Variants in TRPM2 observed in about 807,000 individuals in gnomAD.
TRPM2 encodes the protein estrogen-responsive element-associated gene 1 protein.
Under a neutral mutation model 174.0 loss-of-function variants are expected in TRPM2, and 161 were observed. The observed-to-expected ratio is 0.93, with a 90% confidence interval of 0.81 to 1.05. TRPM2 has a LOEUF of 1.05. Among genes scored for constraint, TRPM2 ranks in the 50% least tolerant of loss-of-function variants. The pLI is 0.00. For synonymous variants in TRPM2, 954 were observed against 861.3 expected, an observed-to-expected ratio of 1.11 and a Z score of -1.88; for missense variants, 2,057 against 2,038.0, an observed-to-expected ratio of 1.01 and a Z score of -0.18.
rs768881646 is a variant in TRPM2, at chr21:44,379,165, A to G, written c.1183A>G (p.Thr395Ala). The change falls in exon 8 of 32, where the codon ACG becomes GCG. Residue 395 changes from threonine (T) to alanine (A), a missense_variant. By Grantham distance (58) the Thr-to-Ala change is moderately conservative (BLOSUM62 0). Transcript: ENST00000397928. ...VFFQEMFETF[T>A]ESRIVEWTKK... is the part of the protein sequence containing the mutation. ...CTTCCAGGAGATGTTTGAGACCTTC[A>G]CGGAAAGCAGGATTGTCGAGTGGAC... The G allele has an allele frequency of 1.9e-6, 3 of 1,613,406 alleles. No homozygotes were observed. In the Admixed American group the frequency reaches 5.0e-5, roughly 27 times the overall value.
At chr21:44,383,342 C>T (rs2048935992) in intron 9 of TRPM2, among the ~76,000 whole-genome samples, 1 of 152,162 alleles carries the variant, frequency 6.6e-6, no homozygotes, top group Non-Finnish European at 1.5e-5. Flanking sequence ...CTTTGTCTTA[C>T]CCAGCTGGCA....
intron 9 of TRPM2, among the ~76,000 whole-genome samples, chr21:44,389,308 C>T (rs1208138752): frequency 6.6e-6 from 1 of 152,144 alleles, no homozygotes; most frequent in Non-Finnish European, 1.5e-5. Context: ...GAATACACCA[C>T]AGGTTGTTTT....
At chr21:44,404,210 G>A (rs897493065) in intron 16 of TRPM2, among the ~76,000 whole-genome samples, 1 of 150,074 alleles carries the variant, frequency 6.7e-6, no homozygotes, top group African/African-American at 2.5e-5. Context: ...CATATACACA[G>A]AGACACACAG....
intron 20 of TRPM2, chr21:44,416,673 A>G: frequency 5.4e-6 from 1 of 184,788 alleles, no homozygotes; most frequent in South Asian, 8.7e-5. Flanking sequence ...GAAGCCTGGA[A>G]TTGTGAGGTC....
rs1209536326 is a variant in TRPM2 at position 44,406,583 on chromosome 21, C to A, written c.2791-11C>A. 1 of 1,605,678 alleles carries A rather than the reference C, an allele frequency of 6.2e-7. No homozygotes were observed. The highest frequency in any genetic ancestry group is 1.1e-5 in the South Asian group (1 of 90,724). On this transcript the variant is annotated splice_polypyrimidine_tract_variant and intron_variant, in intron 18 of 31. Coordinates refer to ENST00000397928, the MANE Select transcript of TRPM2 (RefSeq NM_003307.4). ...CAGGAGAGTGTAGCCCACACACTCT[C>A]TGTCCTGCAGATGAAGGACGTCTTC...
intron 5 of TRPM2, among the ~76,000 whole-genome samples, chr21:44,370,582 G>A (rs1447142088): frequency 1.3e-5 from 2 of 152,140 alleles, no homozygotes; most frequent in African/African-American, 2.4e-5. Flanking sequence ...TTGTTACCCC[G>A]AGGGGTGATT....
Position 44,354,836 on chromosome 21 carries a change from G to A in TRPM2, c.254+100G>A, listed in dbSNP as rs2048009963. On this transcript the variant is annotated intron_variant, in intron 2 of 31. Coordinates refer to ENST00000397928, the MANE Select transcript of TRPM2 (RefSeq NM_003307.4). The surrounding 1 kb of genome is among the most constrained non-coding windows in gnomAD (Gnocchi z 4.3). ...AGACCCCTCAGGGCCTCAGTGAAGG[G>A]TCACTGGAGATACCTCTGTCTCCAT... The A allele has an allele frequency of 9.7e-7, 1 of 1,030,716 alleles. No individual in the cohort carries two copies. The highest frequency in any genetic ancestry group is 1.5e-6 in the Non-Finnish European group (1 of 655,272). 63.8% of individuals were successfully genotyped at this position (1,030,716 alleles called of 1,614,324 possible). A position where few individuals can be genotyped will look rare whatever the true frequency, so the allele number is the denominator to read the frequency against.
intron 26 of TRPM2, 57 bp from the exon 27 acceptor site, chr21:44,426,953 C>G: frequency 1.3e-6 from 2 of 1,510,416 alleles, no homozygotes; most frequent in Non-Finnish European, 1.8e-6. Flanking sequence ...CTCTGCCTGT[C>G]TGCTCTGTCC....
At chr21:44,381,952 GGATAGATAGATAGATA>G (rs71197895) in intron 8 of TRPM2, among the ~76,000 whole-genome samples, 22,237 of 143,420 alleles carry the variant, frequency 0.16, 1,761 homozygotes, top group Non-Finnish European at 0.17. Flanking sequence ...ATAGATAGAT[GGATAGATAGATAGATA>G]GATAGATAGA....
chr21:44,360,793 G>A (rs747539125), intron 2 of TRPM2, among the ~76,000 whole-genome samples: 10 of 151,878 alleles, frequency 6.6e-5, no homozygotes, highest in East Asian at 1.9e-4. Context: ...TCTCGGACTC[G>A]GGACCTCAAC....
intron 22 of TRPM2, among the ~76,000 whole-genome samples, chr21:44,422,577 C>G (rs1249972222): frequency 6.6e-6 from 1 of 152,164 alleles, no homozygotes; most frequent in African/African-American, 2.4e-5. Context: ...AATAGTTGCT[C>G]AGTGTATTAT....
chr21:44,408,012 C>A (rs1235909160), intron 19 of TRPM2, among the ~76,000 whole-genome samples: 1 of 151,774 alleles, frequency 6.6e-6, no homozygotes, highest in East Asian at 1.9e-4. Context: ...GTGGCACAAT[C>A]TTGGCTCACT....
Position 44,405,167 on chromosome 21 carries a change from G to A in TRPM2, c.2564G>A (p.Gly855Glu). The A allele has an allele frequency of 6.2e-7, 1 of 1,613,458 alleles. No homozygotes were observed. ...RQLFYDPDECGLMKKAALYFS... is the reference protein window; with the variant it reads ...RQLFYDPDECELMKKAALYFS... Reference sequence around the variant, plus strand: ...CTCTTCTATGACCCTGACGAGTGCGGGCTGATGAAGAAGGCAGCCTTGTAC... The same window carrying A: ...CTCTTCTATGACCCTGACGAGTGCGAGCTGATGAAGAAGGCAGCCTTGTAC... The change falls in exon 17 of 32, where the codon GGG becomes GAG. Residue 855 changes from glycine (G) to glutamate (E), a missense_variant. Coordinates refer to ENST00000397928, the MANE Select transcript of TRPM2 (RefSeq NM_003307.4).
rs532151152 is a variant in TRPM2, at chr21:44,367,451, T to G, written c.604+517T>G. Among the ~76,000 whole-genome samples, 21 of 152,342 alleles carry G rather than the reference T, an allele frequency of 1.4e-4. No individual in the cohort carries two copies. In the South Asian group the frequency reaches 4.4e-3, roughly 32 times the overall value. On this transcript the variant is annotated intron_variant, in intron 4 of 31. Coordinates refer to ENST00000397928, the MANE Select transcript of TRPM2 (RefSeq NM_003307.4). The surrounding 1 kb of genome is among the most constrained non-coding windows in gnomAD (Gnocchi z 4.6). ...TTTCCATCTCTTCACTTAAGGCAAC[T>G]GCCTGGTTGGAGTCAAATCACCTCC... is the stretch of plus-strand genomic sequence containing the variant.
chr21:44,407,123 A>C (rs1207952110), intron 19 of TRPM2, among the ~76,000 whole-genome samples: 1 of 5,438 alleles, frequency 1.8e-4, no homozygotes, highest in Non-Finnish European at 4.5e-4. Flanking sequence ...TCTTGATGGA[A>C]ATAATTCATT....
At chr21:44,379,309 T>A in intron 8 of TRPM2, 112 bp downstream of exon 8, 7 of 1,283,746 alleles carry the variant, frequency 5.5e-6, no homozygotes, top group Non-Finnish European at 7.6e-6. Context: ...CCACTGGGTC[T>A]GAGTGGGTGC....
chr21:44,389,412 T>G (rs2049106584), intron 9 of TRPM2, among the ~76,000 whole-genome samples: 1 of 152,238 alleles, frequency 6.6e-6, no homozygotes, highest in Non-Finnish European at 1.5e-5. Flanking sequence ...TGGGTCAATA[T>G]CTAGGAGTGG....
chr21:44,355,677 C>T, intron 2 of TRPM2, among the ~76,000 whole-genome samples: 1 of 152,134 alleles, frequency 6.6e-6, no homozygotes, highest in East Asian at 1.9e-4. Context: ...GTGTTAATTC[C>T]CAGAGAGTGG....
intron 20 of TRPM2, chr21:44,416,703 C>G (rs2050292525): frequency 5.1e-6 from 1 of 196,554 alleles, no homozygotes; most frequent in Non-Finnish European, 1.1e-5. Flanking sequence ...AGTTCTGTGC[C>G]TGGAGCTGGC....
Sources: allele counts gnomAD v4.1 joint callset (sites outside exome capture counted in the v4.1 genomes callset), GRCh38; gene constraint gnomAD v4.1.1; non-coding constraint Gnocchi (gnomAD v3.1); transcripts MANE v1.5; gene names NCBI Gene and HGNC (gene_info 2026-07-23, HGNC 2026-07-21).